NEB: variants seen among roughly 807,000 people sequenced by gnomAD.
The protein encoded by NEB is nemaline myopathy type 2.
A neutral mutation model predicts 952.2 loss-of-function variants in NEB; 512 were observed. The observed-to-expected ratio is 0.54, with a 90% CI of 0.50 to 0.58. The LOEUF is 0.58. Ranked by LOEUF, NEB falls within the 20% of genes least tolerant of loss-of-function variation. The pLI is 0.00. For synonymous variants in NEB, 2,900 were observed against 3,149.8 expected, an observed-to-expected ratio of 0.92 and a Z score of 2.66; for missense variants, 8,428 against 9,231.1, an observed-to-expected ratio of 0.91 and a Z score of 3.56.
intron 133 of NEB, 114 bp from the exon 134 acceptor site, chr2:151,546,557 CT>C (rs11436330): frequency 0.07 from 24,271 of 348,698 alleles, 1 homozygote; most frequent in South Asian, 0.11. Context: ...GGTTCATCTA[CT>C]TTTTTTTTTT....
intron 24 of NEB, 44 bp from the exon 25 acceptor site, chr2:151,688,440 G>T: frequency 2.7e-6 from 4 of 1,487,334 alleles, no homozygotes; most frequent in Non-Finnish European, 3.7e-6. Flanking sequence ...GAACTTCTTT[G>T]AATTTATTTA....
chr2:151,579,128 T>C (rs573164134), intron 105 of NEB, among the ~76,000 whole-genome samples: 23 of 144,466 alleles, frequency 1.6e-4, no homozygotes, highest in East Asian at 1.0e-3. Context: ...GGAAACACTG[T>C]ACACATTAAC....
chr2:151,681,872 G>A (rs960572417), intron 29 of NEB, among the ~76,000 whole-genome samples: 1 of 152,018 alleles, frequency 6.6e-6, no homozygotes, highest in African/African-American at 2.4e-5. Flanking sequence ...CTTCAAAGAC[G>A]ATTTCTATAA....
rs1424363064 is a variant in NEB, at chr2:151,665,642, G to C, written c.5032-103C>G. 19 of 1,003,560 alleles carry C rather than the reference G, an allele frequency of 1.9e-5. No homozygotes were observed. The East Asian group carries it at 4.7e-4, about 25-fold the overall frequency. 62.2% of individuals were successfully genotyped at this position (1,003,560 alleles called of 1,614,324 possible). ...TCAAAAAGAAAAAGAGAAGCTGGGA[G>C]GGGGAGAATAATCTGCTTTTTACTC... On this transcript the variant is annotated intron_variant, in intron 41 of 181. Coordinates refer to ENST00000397345, the MANE Select transcript of NEB (RefSeq NM_001164508.2).
rs1177136257 is a variant in NEB, at chr2:151,485,502, A to G, written c.*258T>C. The G allele has an allele frequency of 6.2e-6, 2 of 324,454 alleles. No individual in the cohort carries two copies. Among genetic ancestry groups the G allele is most frequent in the African/African-American group, 4.2e-5 (2 of 47,316 alleles). The allele number at this position is 324,454 out of a possible 1,614,324, so 20.1% of individuals were successfully genotyped here. A position where few individuals can be genotyped will look rare whatever the true frequency, so the allele number is the denominator to read the frequency against. The stretch of plus-strand genomic sequence containing the variant: ...TTGGCATATTCAAAATCCCTGTTTT[A>G]GAAAAGAAATAATGTTAAAACATGT... On this transcript the variant is annotated 3_prime_UTR_variant, in exon 182 of 182. Transcript: ENST00000397345.
intron 134 of NEB, 27 bp from the exon 135 acceptor site, chr2:151,546,025 T>C: frequency 5.5e-6 from 6 of 1,091,264 alleles, no homozygotes; most frequent in African/African-American, 1.6e-5. Context: ...AAAACAGAAA[T>C]ACAAGTTGAT....
chr2:151,540,603 A>T (rs1559705977), intron 137 of NEB, 94 bp downstream of exon 137: 2 of 1,195,216 alleles, frequency 1.7e-6, no homozygotes, highest in Non-Finnish European at 2.4e-6. Flanking sequence ...CACCATTTAT[A>T]GTAATGAGCT....
At chr2:151,733,006 C>T (rs1017640894) in intron 3 of NEB, 115 bp downstream of exon 3, 1 of 861,112 alleles carries the variant, frequency 1.2e-6, no homozygotes, top group African/African-American at 1.7e-5. Flanking sequence ...TAAATGATGA[C>T]TCTTTGTGAA....
intron 172 of NEB, among the ~76,000 whole-genome samples, chr2:151,496,728 T>C (rs1361228880): frequency 6.6e-6 from 1 of 152,098 alleles, no homozygotes; most frequent in East Asian, 1.9e-4. Context: ...TAAAAAATGA[T>C]TGAAAATATC....
intron 125 of NEB, among the ~76,000 whole-genome samples, chr2:151,554,376 C>T (rs1212538299): frequency 6.6e-6 from 1 of 151,994 alleles, no homozygotes; most frequent in Non-Finnish European, 1.5e-5. Flanking sequence ...GAGTGGGCAA[C>T]ATAACGAGAT....
Position 151,670,894 on chromosome 2 carries a change from C to T in NEB, c.4506+129G>A, listed in dbSNP as rs992877659. On this transcript the variant is annotated intron_variant, in intron 38 of 181. Transcript: ENST00000397345. ...TGCCTCAAAAGGCAGCCCTTTCTCT[C>T]ATACCTATGAAAGCAGTTTATTTGC... 4.1e-6 allele frequency: 4 copies of T among 969,462 alleles called. No homozygotes were observed. In the African/African-American group the frequency reaches 6.5e-5, roughly 16 times the overall value. 60.1% of individuals were successfully genotyped at this position (969,462 alleles called of 1,614,324 possible).
intron 8 of NEB, among the ~76,000 whole-genome samples, chr2:151,723,746 CTTTGTTTTTT>C (rs1244201772): frequency 3.6e-5 from 2 of 55,914 alleles, no homozygotes; most frequent in African/African-American, 7.3e-5. Flanking sequence ...TACCTGCCTT[CTTTGTTTTTT>C]TTTTTTTTTT....
chr2:151,526,086 G>T lies in NEB; in HGVS notation c.22051-18C>A. 6.2e-7 allele frequency: 1 copy of T among 1,612,810 alleles called. No homozygotes were observed. The highest frequency in any genetic ancestry group is 8.5e-7 in the Non-Finnish European group (1 of 1,178,804). Reference sequence around the variant, plus strand: ...TACTTGTTCTGGGGGAATCCATAGAGAGCTCATTAAGGCATCTGCCTGGGG... The same window carrying T: ...TACTTGTTCTGGGGGAATCCATAGATAGCTCATTAAGGCATCTGCCTGGGG... On this transcript the variant is annotated intron_variant, in intron 149 of 181. Transcript: ENST00000397345.
At chr2:151,640,180 C>T (rs112486602) in intron 61 of NEB, 120 bp from the exon 62 acceptor site, 2 of 1,457,492 alleles carry the variant, frequency 1.4e-6, no homozygotes, top group African/African-American at 1.4e-5. Flanking sequence ...GGCCAGGTAT[C>T]ACACAATATT....
chr2:151,505,985 C>T (rs866939872), intron 164 of NEB, 181 bp downstream of exon 164: 29 of 622,956 alleles, frequency 4.7e-5, no homozygotes, highest in South Asian at 2.4e-4. Context: ...TCATGAAAAC[C>T]GCCAAGGCAC....
chr2:151,647,370 A>G (rs2098974188), intron 54 of NEB, among the ~76,000 whole-genome samples: 1 of 152,146 alleles, frequency 6.6e-6, no homozygotes, highest in Non-Finnish European at 1.5e-5. Flanking sequence ...TCGGCCTCCC[A>G]AAGTGCTGGG....
At chr2:151,631,807 A>G (rs549129112) in intron 65 of NEB, among the ~76,000 whole-genome samples, 1 of 152,372 alleles carries the variant, frequency 6.6e-6, no homozygotes, top group South Asian at 2.1e-4. Flanking sequence ...GAAATTTTAA[A>G]GTAGCACATA....
chr2:151,538,204 T>A lies in NEB; in HGVS notation c.20933A>T (p.Tyr6978Phe), dbSNP rs761780939. 1 of 1,613,322 alleles carries A rather than the reference T, an allele frequency of 6.2e-7. No individual in the cohort carries two copies. The change falls in exon 139 of 182, where the codon TAC (tyrosine) becomes TTC (phenylalanine). Residue 6978 changes from tyrosine (Y) to phenylalanine (F), a missense_variant. Physicochemically the swap from Tyr to Phe is conservative, Grantham distance 22 (BLOSUM62 3). Transcript: ENST00000397345. ...KETFQKTKGK[Y>F]HTVKDALDIV... ...GTCTAGGGCATCTTTCACCGTGTGG[T>A]ATTTCCCTTTGGTCTTTTGAAATGT...
intron 28 of NEB, among the ~76,000 whole-genome samples, chr2:151,684,118 T>C (rs1034381087): frequency 6.6e-6 from 1 of 152,156 alleles, no homozygotes. Context: ...TCTGGGAAGA[T>C]GAAAAGGCTC....
Sources: allele counts gnomAD v4.1 joint callset (sites outside exome capture counted in the v4.1 genomes callset), GRCh38; gene constraint gnomAD v4.1.1; transcripts MANE v1.5; gene names NCBI Gene and HGNC (gene_info 2026-07-23, HGNC 2026-07-21).